Variants in PAN3 observed in about 807,000 individuals in gnomAD.
PAN3 encodes PAN2-PAN3 deadenylation complex subunit PAN3.
A neutral mutation model predicts 96.2 loss-of-function variants in PAN3; 19 were observed. The observed-to-expected ratio is 0.20, with a 90% CI of 0.14 to 0.29. The LOEUF (loss-of-function observed/expected upper bound fraction) is 0.29, where lower values mean the gene tolerates loss of function less well. PAN3 is among the 10% of genes least tolerant of loss of function. The pLI, the probability that PAN3 is intolerant of heterozygous loss-of-function variation, is 1.00. For missense variants in PAN3, 882 were observed against 1,108.1 expected, an observed-to-expected ratio of 0.80 and a Z score of 2.90; for synonymous variants, 433 against 406.6, an observed-to-expected ratio of 1.06 and a Z score of -0.78.
chr13:28,175,434 G>A (rs758005811), intron 2 of PAN3, among the ~76,000 whole-genome samples: 11 of 152,140 alleles, frequency 7.2e-5, no homozygotes, highest in Non-Finnish European at 1.3e-4. Context: ...AATTTTAGCA[G>A]AGATGAGGTC....
intron 1 of PAN3, among the ~76,000 whole-genome samples, chr13:28,144,329 C>T (rs1435669115): frequency 2.0e-5 from 3 of 151,438 alleles, no homozygotes; most frequent in African/African-American, 7.3e-5. Context: ...CCATTCCTGC[C>T]TCAGCCTCCT....
At chr13:28,271,928 AT>A (rs889007727) in intron 13 of PAN3, 52 bp from the exon 14 acceptor site, 30 of 1,313,588 alleles carry the variant, frequency 2.3e-5, no homozygotes, top group Non-Finnish European at 2.9e-5. Context: ...TGAGTATGCA[AT>A]TTTTTAAAAA....
intron 5 of PAN3, among the ~76,000 whole-genome samples, chr13:28,209,163 A>G (rs1413576904): frequency 6.6e-6 from 1 of 152,084 alleles, no homozygotes; most frequent in African/African-American, 2.4e-5. Context: ...AATATTTTTT[A>G]TCTGTGGTTG....
intron 5 of PAN3, among the ~76,000 whole-genome samples, chr13:28,204,477 C>T (rs1030855396): frequency 5.9e-5 from 9 of 152,156 alleles, no homozygotes; most frequent in Non-Finnish European, 1.0e-4. Context: ...ACCTTATCAC[C>T]TTATCTCCTA....
intron 6 of PAN3, among the ~76,000 whole-genome samples, chr13:28,237,515 C>T (rs1291644788): frequency 6.6e-6 from 1 of 152,098 alleles, no homozygotes; most frequent in African/African-American, 2.4e-5. Context: ...AAAATAGCAG[C>T]AGTACTCTTG....
chr13:28,235,145 T>C (rs1001447480), intron 6 of PAN3, among the ~76,000 whole-genome samples: 2 of 152,332 alleles, frequency 1.3e-5, no homozygotes, highest in African/African-American at 4.8e-5. Context: ...GTAAAGCTCC[T>C]TTTGATTCAT....
chr13:28,144,176 C>T (rs1405965668), intron 1 of PAN3, among the ~76,000 whole-genome samples: 1 of 144,630 alleles, frequency 6.9e-6, no homozygotes, highest in Admixed American at 6.9e-5. Context: ...CTATAAATAT[C>T]TATAAGGTAA....
intron 1 of PAN3, 132 bp from the exon 2 acceptor site, chr13:28,174,140 T>C: frequency 1.1e-6 from 1 of 897,252 alleles, no homozygotes; most frequent in South Asian, 1.8e-5. Context: ...TGATCTTACC[T>C]GTTATGAACT....
At chr13:28,243,126 T>C (rs981250401) in intron 6 of PAN3, among the ~76,000 whole-genome samples, 3 of 152,248 alleles carry the variant, frequency 2.0e-5, no homozygotes, top group Non-Finnish European at 4.4e-5. Context: ...TCCTGCCATC[T>C]TGTGCTGGCT....
At position 28,197,171 on chromosome 13, in the gene PAN3, C is replaced by T; in HGVS notation, c.691-14C>T. 6.2e-7 allele frequency: 1 copy of T among 1,608,422 alleles called. No individual in the cohort carries two copies. The highest frequency in any genetic ancestry group is 8.5e-7 in the Non-Finnish European group (1 of 1,177,450). Reference sequence around the variant, plus strand: ...TGTTAGGAGTGGCCTGGTTTCTTTCCTTCTTTTTCCTAGCCAAGGAAGTAT... The same window carrying T: ...TGTTAGGAGTGGCCTGGTTTCTTTCTTTCTTTTTCCTAGCCAAGGAAGTAT... On this transcript the variant is annotated splice_polypyrimidine_tract_variant and intron_variant, in intron 4 of 18. Transcript: ENST00000380958.
intron 4 of PAN3, among the ~76,000 whole-genome samples, chr13:28,187,851 G>A (rs552235878): frequency 6.6e-6 from 1 of 152,104 alleles, no homozygotes; most frequent in African/African-American, 2.4e-5. Context: ...ATGCCACCAT[G>A]CCCAGCTAAT....
chr13:28,281,504 T>C (rs899869227), intron 17 of PAN3, 125 bp downstream of exon 17: 1 of 860,594 alleles, frequency 1.2e-6, no homozygotes, highest in Non-Finnish European at 1.8e-6. Context: ...ACCTTAAGAT[T>C]GTGTTAGCTG....
intron 5 of PAN3, among the ~76,000 whole-genome samples, chr13:28,204,684 A>C (rs901583774): frequency 1.3e-5 from 2 of 152,116 alleles, no homozygotes; most frequent in Non-Finnish European, 2.9e-5. Flanking sequence ...TTTTCCTGTG[A>C]TTTTACATTT....
At chr13:28,141,991 T>G (rs1261581287) in intron 1 of PAN3, among the ~76,000 whole-genome samples, 2 of 152,236 alleles carry the variant, frequency 1.3e-5, no homozygotes, top group East Asian at 3.8e-4. Context: ...TGTCACTTGT[T>G]AGTAAAAGTT....
At chr13:28,248,111 T>G (rs2138539569) in intron 6 of PAN3, among the ~76,000 whole-genome samples, 1 of 152,288 alleles carries the variant, frequency 6.6e-6, no homozygotes, top group Non-Finnish European at 1.5e-5. Flanking sequence ...GTTTTATAGT[T>G]TTGCTTGTAG....
chr13:28,264,658 C>T (rs76016549), intron 9 of PAN3, among the ~76,000 whole-genome samples: 1 of 152,150 alleles, frequency 6.6e-6, no homozygotes, highest in Non-Finnish European at 1.5e-5. Context: ...CCATAGCAAA[C>T]GAGTGCCTAC....
chr13:28,281,184 A>G (rs1356124952), intron 16 of PAN3, 131 bp from the exon 17 acceptor site: 1 of 687,574 alleles, frequency 1.5e-6, no homozygotes, highest in African/African-American at 1.8e-5. Context: ...AAGTATAACC[A>G]AAAGGTGGGG....
At chr13:28,141,003 C>CTTTTTATTTT (rs1424709117) in intron 1 of PAN3, among the ~76,000 whole-genome samples, 5 of 112,944 alleles carry the variant, frequency 4.4e-5, no homozygotes, top group African/African-American at 1.8e-4. Flanking sequence ...GAAAGAGACA[C>CTTTTTATTTT]TTTTTTTTTT....
At chr13:28,239,495 C>A in intron 6 of PAN3, 1 of 659,334 alleles carries the variant, frequency 1.5e-6, no homozygotes, top group Admixed American at 3.6e-5. Context: ...TTTTTTGGAC[C>A]CAGTAAGTTT....
Sources: allele counts gnomAD v4.1 joint callset (sites outside exome capture counted in the v4.1 genomes callset), GRCh38; gene constraint gnomAD v4.1.1; transcripts MANE v1.5; gene names NCBI Gene and HGNC (gene_info 2026-07-23, HGNC 2026-07-21).